KSR2: variants seen among roughly 807,000 people sequenced by gnomAD.
The protein encoded by KSR2 is kinase suppressor of ras 2.
A neutral mutation model predicts 107.8 loss-of-function variants in KSR2; 25 were observed. The observed-to-expected ratio is 0.23, with a 90% CI of 0.17 to 0.32. The LOEUF (loss-of-function observed/expected upper bound fraction) is 0.32. Among genes scored for constraint, KSR2 ranks in the 10% least tolerant of loss-of-function variants. The pLI is 1.00. For synonymous variants in KSR2, 480 were observed against 507.0 expected (o/e 0.95, Z 0.71); for missense variants, 887 against 1,268.9 (o/e 0.70, Z 4.57).
At chr12:117,902,946 C>G (rs1407489938) in intron 1 of KSR2, among the ~76,000 whole-genome samples, 1 of 152,184 alleles carries the variant, frequency 6.6e-6, no homozygotes, top group Admixed American at 6.5e-5. Context: ...TCCTTAACCT[C>G]TCTGAGTCTC....
intron 1 of KSR2, among the ~76,000 whole-genome samples, chr12:117,939,847 A>G (rs879838729): frequency 6.6e-6 from 1 of 151,800 alleles, no homozygotes; most frequent in Non-Finnish European, 1.5e-5. Flanking sequence ...AGGCTGAGGT[A>G]GGAGAATTGC....
At chr12:117,582,391 G>A in intron 5 of KSR2, 32 bp from the exon 6 acceptor site, 1 of 1,568,696 alleles carries the variant, frequency 6.4e-7, no homozygotes, top group East Asian at 2.2e-5. Flanking sequence ...CTGTTACACA[G>A]AGGGTCAGAG....
chr12:117,458,593 A>G lies in KSR2; in HGVS notation c.*8606T>C, dbSNP rs1217948940. ...CATGGCAGCTATTTTTCATCTCTAC[A>G]ATTGTGCAACTTTCTCCTCAGTTTA... is the stretch of plus-strand genomic sequence containing the variant. On this transcript the variant is annotated 3_prime_UTR_variant, in exon 20 of 20. Coordinates refer to ENST00000339824, the MANE Select transcript of KSR2 (RefSeq NM_173598.6). The G allele has an allele frequency of 6.6e-6, 1 of 152,180 alleles. No homozygotes were observed. The highest frequency in any genetic ancestry group is 2.4e-5 in the African/African-American group (1 of 41,444). 9.4% of individuals were successfully genotyped at this position (152,180 alleles called of 1,614,324 possible).
Position 117,785,414 on chromosome 12 carries a change from C to CAAAAAAAA in KSR2, c.473-23898_473-23891dup, listed in dbSNP as rs374881532. Among the ~76,000 whole-genome samples the CAAAAAAAA allele has an allele frequency of 2.4e-3, 90 of 37,416 alleles. 12 individuals carry two copies. Among genetic ancestry groups the CAAAAAAAA allele is most frequent in the Non-Finnish European group, 4.1e-3 (62 of 15,178 alleles). 24.5% of individuals were successfully genotyped at this position (37,416 alleles called of 152,430 possible). A position where few individuals can be genotyped will look rare whatever the true frequency, so the allele number is the denominator to read the frequency against. On this transcript the variant is annotated intron_variant, in intron 3 of 19. Coordinates refer to ENST00000339824, the MANE Select transcript of KSR2 (RefSeq NM_173598.6). ...TGGGCAACAGAGTGAGACTCCATCT[C>CAAAAAAAA]AAAAAAAAAAAAAAAAAAAAAAAAA...
Position 117,819,079 on chromosome 12 carries a change from C to T in KSR2, c.472+36349G>A, listed in dbSNP as rs150550688. 1.9e-4 allele frequency among the ~76,000 whole-genome samples: 29 copies of T among 152,220 alleles called. No individual in the cohort carries two copies. In the East Asian group the frequency reaches 5.6e-3, roughly 29 times the overall value. ...TCATTAGTTGTTCAATGTCCATCCC[C>T]ACCAAGAAACCATGAGCTCTATGAG... On this transcript the variant is annotated intron_variant, in intron 3 of 19. Transcript: ENST00000339824.
At chr12:117,479,669 A>G (rs1002264467) in intron 16 of KSR2, among the ~76,000 whole-genome samples, 11 of 152,336 alleles carry the variant, frequency 7.2e-5, no homozygotes, top group Non-Finnish European at 1.2e-4. Flanking sequence ...AATGGTCCAA[A>G]TCTCAGTGTT....
intron 13 of KSR2, among the ~76,000 whole-genome samples, chr12:117,525,546 T>TA (rs1162003090): frequency 6.6e-6 from 1 of 152,154 alleles, no homozygotes; most frequent in Non-Finnish European, 1.5e-5. Context: ...AAGTCCCATA[T>TA]GTTGCCCTGG....
rs138671048 is a variant in KSR2, at chr12:117,919,458, G to C, written c.180+48618C>G. Among the ~76,000 whole-genome samples the C allele has an allele frequency of 1.2e-3, 181 of 152,314 alleles. 2 individuals carry two copies. Among genetic ancestry groups the C allele is most frequent in the Non-Finnish European group, 2.5e-4 (17 of 68,034 alleles). ...CTTTGAACACAACCCGGCAGAATGT[G>C]AATCTTCAAGGAAGCATATGCTAGG... is the stretch of plus-strand genomic sequence containing the variant. On this transcript the variant is annotated intron_variant, in intron 1 of 19. Transcript: ENST00000339824.
chr12:117,844,646 C>T (rs1422130093), intron 3 of KSR2, among the ~76,000 whole-genome samples: 4 of 152,260 alleles, frequency 2.6e-5, no homozygotes, highest in East Asian at 3.9e-4. Context: ...GCATATGCAA[C>T]CTATGAAGTA....
chr12:117,777,099 T>C (rs932487029), intron 3 of KSR2, among the ~76,000 whole-genome samples: 4 of 107,088 alleles, frequency 3.7e-5, no homozygotes, highest in Non-Finnish European at 7.2e-5. Context: ...TATATATATA[T>C]ATATATATAC....
At position 117,455,454 on chromosome 12, in the gene KSR2, G is replaced by A. The variant is rs569588506; in HGVS notation, c.*11745C>T. 1.3e-5 allele frequency: 2 copies of A among 152,292 alleles called. No homozygotes were observed. The highest frequency in any genetic ancestry group is 4.8e-5 in the African/African-American group (2 of 41,548). The allele number at this position is 152,292 out of a possible 1,614,324, so 9.4% of individuals were successfully genotyped here. The stretch of plus-strand genomic sequence containing the variant: ...CATTCTACTCAAATTTCAAGACAGG[G>A]TTCAGAAGTCTCCTCCTCTGAGAAT... On this transcript the variant is annotated 3_prime_UTR_variant, in exon 20 of 20. Transcript: ENST00000339824.
chr12:117,684,402 T>C (rs552402367), intron 4 of KSR2, among the ~76,000 whole-genome samples: 5 of 152,160 alleles, frequency 3.3e-5, no homozygotes, highest in Non-Finnish European at 7.3e-5. Flanking sequence ...ACTAAACAAA[T>C]ACATGAAAAT....
intron 4 of KSR2, among the ~76,000 whole-genome samples, chr12:117,677,499 C>T (rs1369215693): frequency 6.6e-6 from 1 of 152,166 alleles, no homozygotes; most frequent in Non-Finnish European, 1.5e-5. Context: ...CTTGGACTTC[C>T]AGCCTCTAGA....
Position 117,460,614 on chromosome 12 carries a change from T to C in KSR2, c.*6585A>G, listed in dbSNP as rs1363272141. 6.6e-6 allele frequency: 1 copy of C among 152,438 alleles called. No individual in the cohort carries two copies. The highest frequency in any genetic ancestry group is 2.4e-5 in the African/African-American group (1 of 41,470). The allele number at this position is 152,438 out of a possible 1,614,324, so 9.4% of individuals were successfully genotyped here. ...CCCTCCCTTCCACAACTTCCTGCTT[T>C]TCCTCTCTCTCTTTCCTGGTTCCAA... On this transcript the variant is annotated 3_prime_UTR_variant, in exon 20 of 20. Transcript: ENST00000339824.
chr12:117,851,359 C>T (rs1892916654), intron 3 of KSR2, among the ~76,000 whole-genome samples: 1 of 152,188 alleles, frequency 6.6e-6, no homozygotes, highest in Non-Finnish European at 1.5e-5. Flanking sequence ...GAGGCCGAGG[C>T]AGGAGGACTG....
At position 117,618,336 on chromosome 12, in the gene KSR2, T is replaced by C. The variant is rs970316857; in HGVS notation, c.1172-35977A>G. On this transcript the variant is annotated intron_variant, in intron 5 of 19. Transcript: ENST00000339824. ...TTTACCAAGGTCCCCTTCTGCTTGA[T>C]GGAACTTGAGCACCAACATTTGTCC... Among the ~76,000 whole-genome samples the C allele has an allele frequency of 4.6e-5, 7 of 152,136 alleles. No homozygotes were observed. In the South Asian group the frequency reaches 8.3e-4, roughly 18 times the overall value.
chr12:117,700,045 G>A (rs1385492819), intron 4 of KSR2, among the ~76,000 whole-genome samples: 3 of 106,796 alleles, frequency 2.8e-5, no homozygotes, highest in Non-Finnish European at 6.9e-5. Flanking sequence ...ACTAATTTTG[G>A]TACTTTTTTT....
At chr12:117,830,405 T>C (rs1891916132) in intron 3 of KSR2, among the ~76,000 whole-genome samples, 1 of 152,128 alleles carries the variant, frequency 6.6e-6, no homozygotes, top group Non-Finnish European at 1.5e-5. Flanking sequence ...AGCGCTACGC[T>C]CACTACCTGG....
chr12:117,490,696 T>TA (rs1298031808), intron 14 of KSR2, among the ~76,000 whole-genome samples: 1 of 152,112 alleles, frequency 6.6e-6, no homozygotes, highest in African/African-American at 2.4e-5. Context: ...GCACCCAGCC[T>TA]AAATGGTGAA....
Sources: gnomAD v4.1 joint callset for allele counts (sites outside exome capture counted in the v4.1 genomes callset) on GRCh38, gnomAD v4.1.1 for gene constraint, MANE v1.5 for transcripts, NCBI Gene and HGNC (gene_info 2026-07-23, HGNC 2026-07-21) for gene names.